ANKRD11: variants seen among roughly 807,000 people sequenced by gnomAD.
The protein encoded by ANKRD11 is ankyrin repeat domain-containing protein 11.
ANKRD11 carries 17 observed loss-of-function variants against 195.7 expected under a neutral mutation model. The observed-to-expected ratio is 0.09, with a 90% CI of 0.06 to 0.13. The LOEUF (loss-of-function observed/expected upper bound fraction) is 0.13, where lower values mean the gene tolerates loss of function less well. Among genes scored for constraint, ANKRD11 ranks in the 10% least tolerant of loss-of-function variants. The pLI, the probability that ANKRD11 is intolerant of heterozygous loss-of-function variation, is 1.00. For synonymous variants in ANKRD11, 1,953 were observed against 1,528.1 expected, an observed-to-expected ratio of 1.28 and a Z score of -6.49; for missense variants, 3,735 against 3,566.1, an observed-to-expected ratio of 1.05 and a Z score of -1.21.
chr16:89,484,049 G>C (rs1000701807), intron 1 of ANKRD11, among the ~76,000 whole-genome samples: 1 of 152,072 alleles, frequency 6.6e-6, no homozygotes, highest in African/African-American at 2.4e-5. Flanking sequence ...AACACTACAA[G>C]CTCTCGAGAC....
chr16:89,457,974 A>G (rs1046924498), intron 1 of ANKRD11, among the ~76,000 whole-genome samples: 2 of 152,130 alleles, frequency 1.3e-5, no homozygotes, highest in African/African-American at 2.4e-5. Context: ...CTTGCTCCCA[A>G]AGAAAGATGT....
At chr16:89,447,120 C>T (rs928934605) in intron 1 of ANKRD11, among the ~76,000 whole-genome samples, 1 of 152,096 alleles carries the variant, frequency 6.6e-6, no homozygotes, top group Admixed American at 6.5e-5. Flanking sequence ...ACAAAGGGCA[C>T]GTCCATCGTT....
chr16:89,346,773 G>A (rs1430606084), intron 2 of ANKRD11, among the ~76,000 whole-genome samples: 1 of 152,166 alleles, frequency 6.6e-6, no homozygotes, highest in Non-Finnish European at 1.5e-5. Context: ...ATCGCTAGAA[G>A]ACATCCCAAT....
intron 1 of ANKRD11, among the ~76,000 whole-genome samples, chr16:89,489,518 C>T (rs976661380): frequency 1.7e-4 from 26 of 151,394 alleles, no homozygotes; most frequent in African/African-American, 5.8e-4. Flanking sequence ...CCCAGTTCGC[C>T]CTCCCCCTCC....
rs558021032 is a variant in ANKRD11, at chr16:89,462,432, C to T, written c.-145+27813G>A. ...CTCGGCTCGCTACAACCTCCACCTC[C>T]CAGCCGCCTGCCTTGGCCTCCCAAA... is the stretch of plus-strand genomic sequence containing the variant. On this transcript the variant is annotated intron_variant, in intron 1 of 12. Coordinates refer to ENST00000301030, the MANE Select transcript of ANKRD11 (RefSeq NM_013275.6). Among the ~76,000 whole-genome samples the T allele has an allele frequency of 1.9e-4, 29 of 152,356 alleles. No homozygotes were observed. The South Asian group carries it at 6.0e-3, about 32-fold the overall frequency.
Position 89,281,470 on chromosome 16 carries a change from G to C in ANKRD11, c.5072C>G (p.Ala1691Gly). ...AGPHMKEVLPASPRPDQSRPT... is the reference protein window; with the variant it reads ...AGPHMKEVLPGSPRPDQSRPT... ...CCGGCTCTGGTCAGGCCTGGGGGAC[G>C]CAGGCAGGACCTCTTTCATGTGAGG... Residue 1691 changes from alanine to glycine, a missense_variant, in exon 9 of 13, where the codon GCG becomes GGG. Transcript: ENST00000301030. The surrounding 1 kb of genome is among the most constrained non-coding windows in gnomAD (Gnocchi z 5.5). The C allele has an allele frequency of 6.2e-7, 1 of 1,614,166 alleles. No homozygotes were observed. The highest frequency in any genetic ancestry group is 2.2e-5 in the East Asian group (1 of 44,878).
intron 1 of ANKRD11, among the ~76,000 whole-genome samples, chr16:89,439,969 T>A (rs1377901516): frequency 1.3e-5 from 2 of 152,162 alleles, no homozygotes; most frequent in Non-Finnish European, 2.9e-5. Context: ...CTCACAGGTG[T>A]GGGGTCTGAG....
intron 1 of ANKRD11, among the ~76,000 whole-genome samples, chr16:89,485,797 C>G (rs2057592851): frequency 6.6e-6 from 1 of 152,150 alleles, no homozygotes; most frequent in African/African-American, 2.4e-5. Flanking sequence ...CATTAAAATG[C>G]TAAAACTTTC....
chr16:89,382,642 A>G (rs1033619455), intron 2 of ANKRD11, among the ~76,000 whole-genome samples: 3 of 151,266 alleles, frequency 2.0e-5, no homozygotes, highest in African/African-American at 7.3e-5. Context: ...TGGCCGACAA[A>G]TAAACAATTC....
intron 2 of ANKRD11, among the ~76,000 whole-genome samples, chr16:89,411,066 C>T (rs1321757335): frequency 6.6e-6 from 1 of 152,046 alleles, no homozygotes; most frequent in African/African-American, 2.4e-5. Flanking sequence ...GAGGGAGGGG[C>T]GGCCAGTGCA....
intron 2 of ANKRD11, among the ~76,000 whole-genome samples, chr16:89,391,598 C>G (rs2041203231): frequency 6.6e-6 from 1 of 152,210 alleles, no homozygotes; most frequent in Non-Finnish European, 1.5e-5. Context: ...CCCCTACTAA[C>G]TGAGCTTAGA....
intron 2 of ANKRD11, among the ~76,000 whole-genome samples, chr16:89,353,045 C>G (rs2039294021): frequency 6.6e-6 from 1 of 152,150 alleles, no homozygotes; most frequent in African/African-American, 2.4e-5. Context: ...AAAATTATAA[C>G]AAGAGAAAGT....
intron 2 of ANKRD11, among the ~76,000 whole-genome samples, chr16:89,381,528 G>A (rs2152106527): frequency 6.6e-6 from 1 of 152,224 alleles, no homozygotes; most frequent in African/African-American, 2.4e-5. Context: ...AAGCATTCTA[G>A]TTTATAAAAC....
At chr16:89,445,605 C>T (rs989215190) in intron 1 of ANKRD11, among the ~76,000 whole-genome samples, 7 of 152,172 alleles carry the variant, frequency 4.6e-5, no homozygotes, top group Non-Finnish European at 8.8e-5. Context: ...AATGTCCTGC[C>T]TGACACCTGA....
At chr16:89,397,040 G>C (rs1049877166) in intron 2 of ANKRD11, among the ~76,000 whole-genome samples, 3 of 151,044 alleles carry the variant, frequency 2.0e-5, no homozygotes, top group African/African-American at 7.3e-5. Flanking sequence ...TTTTTTTAAA[G>C]AATGTGCTGC....
chr16:89,295,632 C>T (rs1286886594), intron 4 of ANKRD11, among the ~76,000 whole-genome samples: 1 of 152,116 alleles, frequency 6.6e-6, no homozygotes, highest in Non-Finnish European at 1.5e-5. Flanking sequence ...GAGCCCACTT[C>T]CTGCCCCTGC....
chr16:89,459,386 C>G (rs2056573239), intron 1 of ANKRD11: 2 of 152,272 alleles, frequency 1.3e-5, no homozygotes, highest in African/African-American at 4.8e-5. Flanking sequence ...ACGGATGCTT[C>G]TAAACCTGTT....
In ANKRD11 at chr16:89,284,004, G is replaced by A. The variant is rs779625395; in HGVS notation, c.2538C>T (p.Ser846=). 5 of 1,614,018 alleles carry A rather than the reference G, an allele frequency of 3.1e-6. No individual in the cohort carries two copies. Among genetic ancestry groups the A allele is most frequent in the East Asian group, 2.2e-5 (1 of 44,872 alleles). The change falls in exon 9 of 13, where the codon TCC becomes TCT. Residue 846 remains serine (S), a synonymous_variant. Coordinates refer to ENST00000301030, the MANE Select transcript of ANKRD11 (RefSeq NM_013275.6). ...CCCCTTTGAAATCAAAGGATGAATC[G>A]GACAAGTCAGAAAACCACCGATCTC... The part of the protein sequence containing the change: ...DQRDRWFSDL[S]DSSFDFKGED...
chr16:89,324,450 T>C, intron 2 of ANKRD11: 1 of 460,740 alleles, frequency 2.2e-6, no homozygotes. Flanking sequence ...TGAGGGTTAC[T>C]ACTGAGTTTC....
Sources: gnomAD v4.1 joint callset for allele counts (sites outside exome capture counted in the v4.1 genomes callset) on GRCh38, gnomAD v4.1.1 for gene constraint, Gnocchi (gnomAD v3.1) non-coding constraint, MANE v1.5 for transcripts, NCBI Gene and HGNC (gene_info 2026-07-23, HGNC 2026-07-21) for gene names.